CNTNAP5: variants seen among roughly 807,000 people sequenced by gnomAD.
CNTNAP5 encodes the protein contactin associated protein family member 5.
Under a neutral mutation model 150.2 loss-of-function variants are expected in CNTNAP5, and 72 were observed. The observed-to-expected ratio is 0.48, with a 90% confidence interval of 0.40 to 0.58. The LOEUF (loss-of-function observed/expected upper bound fraction) is 0.58. CNTNAP5 is among the 20% of genes least tolerant of loss of function. CNTNAP5 has a pLI of 0.00. For synonymous variants in CNTNAP5, 672 were observed against 619.8 expected (o/e 1.08, Z -1.25); for missense variants, 1,636 against 1,626.2 (o/e 1.01, Z -0.10).
intron 6 of CNTNAP5, among the ~76,000 whole-genome samples, chr2:124,452,404 T>C (rs1013516626): frequency 2.6e-5 from 4 of 151,926 alleles, no homozygotes; most frequent in South Asian, 2.1e-4. Context: ...CCAAGTAGAG[T>C]CTGAGTTCAG....
At position 124,786,336 on chromosome 2, in the gene CNTNAP5, A is replaced by AAAGAAAGAAAGGAAGG. The variant is rs1558774911; in HGVS notation, c.2753-3555_2753-3554insGAAGGAAGAAAGAAAG. On this transcript the variant is annotated intron_variant, in intron 17 of 23. Coordinates refer to ENST00000682447, the MANE Select transcript of CNTNAP5 (RefSeq NM_001367498.1). ...AAGAAAGAAAGGAAGAAAGAAAGAGAAAGAAAGAAAGAAAGGAAGAAAGAA... is the reference window on the plus strand; with the variant it reads ...AAGAAAGAAAGGAAGAAAGAAAGAGAAAGAAAGAAAGGAAGGAAGAAAGAAAGAAAGGAAGAAAGAA... Among the ~76,000 whole-genome samples the AAAGAAAGAAAGGAAGG allele has an allele frequency of 4.7e-4, 56 of 119,276 alleles. 3 individuals are homozygous for AAAGAAAGAAAGGAAGG. Among genetic ancestry groups the AAAGAAAGAAAGGAAGG allele is most frequent in the African/African-American group, 1.3e-3 (36 of 27,716 alleles). 78.2% of individuals were successfully genotyped at this position (119,276 alleles called of 152,430 possible).
intron 22 of CNTNAP5, among the ~76,000 whole-genome samples, chr2:124,904,389 G>A (rs910209699): frequency 6.6e-6 from 1 of 151,950 alleles, no homozygotes; most frequent in Non-Finnish European, 1.5e-5. Context: ...CAGAGAGTTT[G>A]TTTCCATATC....
chr2:124,130,722 T>TTA (rs1290402949), intron 1 of CNTNAP5, among the ~76,000 whole-genome samples: 10 of 152,232 alleles, frequency 6.6e-5, no homozygotes, highest in Non-Finnish European at 1.3e-4. Flanking sequence ...ATTTCAAGGC[T>TTA]TATATAATTT....
At chr2:124,668,908 T>A (rs1678753589) in intron 13 of CNTNAP5, among the ~76,000 whole-genome samples, 1 of 152,154 alleles carries the variant, frequency 6.6e-6, no homozygotes, top group African/African-American at 2.4e-5. Context: ...CTCAGACACA[T>A]CCTTTAAGGA....
intron 22 of CNTNAP5, among the ~76,000 whole-genome samples, chr2:124,904,053 CAAAAAAAAAAACAA>C (rs1432410172): frequency 1.1e-5 from 1 of 88,642 alleles, no homozygotes; most frequent in African/African-American, 4.9e-5. Flanking sequence ...GACTCTGTTT[CAAAAAAAAAAACAA>C]AAAAAAAAAA....
chr2:124,917,775 C>G lies in CNTNAP5; in HGVS notation c.*3487C>G, dbSNP rs1183233843. On this transcript the variant is annotated 3_prime_UTR_variant, in exon 24 of 24. Transcript: ENST00000682447. ...ATATATAAATTACACCTTGTTTTTG[C>G]CCTTGGGGAGCTCAAAGTCTAGCTG... 6.6e-6 allele frequency among the ~76,000 whole-genome samples: 1 copy of G among 151,996 alleles called. No individual in the cohort carries two copies. Among genetic ancestry groups the G allele is most frequent in the African/African-American group, 2.4e-5 (1 of 41,422 alleles).
chr2:124,843,477 G>C (rs1354720066), intron 19 of CNTNAP5, among the ~76,000 whole-genome samples: 2 of 152,114 alleles, frequency 1.3e-5, no homozygotes, highest in African/African-American at 2.4e-5. Context: ...CTATAAACAT[G>C]CATGTGCAAG....
intron 1 of CNTNAP5, among the ~76,000 whole-genome samples, chr2:124,074,420 C>T (rs1049930902): frequency 1.3e-5 from 2 of 152,146 alleles, no homozygotes; most frequent in Non-Finnish European, 2.9e-5. Flanking sequence ...GATTATTACA[C>T]ATTCCATGCC....
At position 124,867,815 on chromosome 2, in the gene CNTNAP5, C is replaced by T. The variant is rs1677663580; in HGVS notation, c.3349-1860C>T. On this transcript the variant is annotated intron_variant, in intron 20 of 23. Transcript: ENST00000682447. Reference sequence around the variant, plus strand: ...TAACACTAATCCTGTCCCTGGATTCCAGACCTTATACCAACTACCTACTGG... The same window carrying T: ...TAACACTAATCCTGTCCCTGGATTCTAGACCTTATACCAACTACCTACTGG... Among the ~76,000 whole-genome samples, 9 of 152,154 alleles carry T rather than the reference C, an allele frequency of 5.9e-5. No individual in the cohort carries two copies. In the South Asian group the frequency reaches 1.9e-3, roughly 32 times the overall value.
intron 1 of CNTNAP5, among the ~76,000 whole-genome samples, chr2:124,082,792 T>C (rs1682590236): frequency 1.3e-5 from 2 of 152,242 alleles, no homozygotes; most frequent in African/African-American, 2.4e-5. Context: ...ATCCACATTC[T>C]GGAGAGCATT....
chr2:124,629,128 A>G (rs1270919809), intron 12 of CNTNAP5, among the ~76,000 whole-genome samples: 1 of 152,202 alleles, frequency 6.6e-6, no homozygotes, highest in Admixed American at 6.5e-5. Context: ...TTAAAACCCT[A>G]CTGTCAGTAT....
intron 3 of CNTNAP5, among the ~76,000 whole-genome samples, chr2:124,371,626 G>A (rs1055353658): frequency 2.0e-5 from 3 of 152,104 alleles, no homozygotes; most frequent in African/African-American, 4.8e-5. Flanking sequence ...GGGGACTCTT[G>A]CAACTGAAGC....
chr2:124,372,948 T>C (rs1357845984), intron 3 of CNTNAP5, among the ~76,000 whole-genome samples: 1 of 152,112 alleles, frequency 6.6e-6, no homozygotes, highest in Non-Finnish European at 1.5e-5. Flanking sequence ...TTCAACCTGA[T>C]GGTTGAAGCA....
At chr2:124,680,969 T>G (rs2105068530) in intron 13 of CNTNAP5, 1 of 151,690 alleles carries the variant, frequency 6.6e-6, no homozygotes, top group African/African-American at 2.4e-5. Flanking sequence ...CTAAGACCAG[T>G]GGATGACTCT....
intron 1 of CNTNAP5, among the ~76,000 whole-genome samples, chr2:124,057,246 C>T (rs1681875176): frequency 6.7e-6 from 1 of 150,178 alleles, no homozygotes; most frequent in African/African-American, 2.5e-5. Flanking sequence ...CTCTTTCTTT[C>T]TCCTTGTCCC....
At chr2:124,891,297 C>G (rs1027855606) in intron 21 of CNTNAP5, among the ~76,000 whole-genome samples, 1 of 152,032 alleles carries the variant, frequency 6.6e-6, no homozygotes, top group Admixed American at 6.6e-5. Flanking sequence ...GTCTGAGGAC[C>G]TCTCCACAGT....
At chr2:124,462,928 A>G (rs1411167511) in intron 6 of CNTNAP5, among the ~76,000 whole-genome samples, 1 of 152,250 alleles carries the variant, frequency 6.6e-6, no homozygotes, top group Non-Finnish European at 1.5e-5. Context: ...AGGAAGGCAG[A>G]TGAGGGACGA....
chr2:124,741,051 C>G (rs992195432), intron 13 of CNTNAP5, among the ~76,000 whole-genome samples: 6 of 152,188 alleles, frequency 3.9e-5, no homozygotes, highest in Admixed American at 3.9e-4. Flanking sequence ...ATTTGCTCAT[C>G]AGTGCAGCAA....
chr2:124,686,064 C>G (rs1679187784), intron 13 of CNTNAP5, among the ~76,000 whole-genome samples: 1 of 152,078 alleles, frequency 6.6e-6, no homozygotes, highest in African/African-American at 2.4e-5. Context: ...TCCAGAATTT[C>G]TTGTCATACT....
Sources: allele counts gnomAD v4.1 joint callset (sites outside exome capture counted in the v4.1 genomes callset), GRCh38; gene constraint gnomAD v4.1.1; transcripts MANE v1.5; gene names NCBI Gene and HGNC (gene_info 2026-07-23, HGNC 2026-07-21).